The following CHRM5 variants were observed in gnomAD, a reference collection of about 807,000 sequenced individuals.
CHRM5 encodes the protein cholinergic receptor muscarinic 5, also known as muscarinic acetylcholine receptor M5.
Under a neutral mutation model 39.0 loss-of-function variants are expected in CHRM5, and 18 were observed. The observed-to-expected ratio is 0.46, with a 90% CI of 0.32 to 0.68. The LOEUF (loss-of-function observed/expected upper bound fraction) is 0.68. Among genes scored for constraint, CHRM5 ranks in the 30% least tolerant of loss-of-function variants. CHRM5 has a pLI of 0.04. For synonymous variants in CHRM5, 241 were observed against 246.3 expected, an observed-to-expected ratio of 0.98 and a Z score of 0.20; for missense variants, 515 against 651.1, an observed-to-expected ratio of 0.79 and a Z score of 2.28.
chr15:34,002,710 C>T (rs968433142), intron 1 of CHRM5, among the ~76,000 whole-genome samples: 2 of 152,140 alleles, frequency 1.3e-5, no homozygotes, highest in Non-Finnish European at 2.9e-5. Flanking sequence ...AGGAATGTTT[C>T]CTCCAATATC....
chr15:34,043,972 C>T (rs993128599), intron 1 of CHRM5, among the ~76,000 whole-genome samples: 3 of 152,052 alleles, frequency 2.0e-5, no homozygotes, highest in Non-Finnish European at 4.4e-5. Flanking sequence ...TATCTGTGAT[C>T]ACCTACTTGG....
chr15:33,980,565 A>G (rs578107880), intron 1 of CHRM5, among the ~76,000 whole-genome samples: 1 of 152,320 alleles, frequency 6.6e-6, no homozygotes, highest in Non-Finnish European at 1.5e-5. Flanking sequence ...CTGGGAGATC[A>G]GGCAAAAGGC....
chr15:34,046,987 A>G (rs1450715474), intron 2 of CHRM5, 116 bp downstream of exon 2: 1 of 152,124 alleles, frequency 6.6e-6, no homozygotes, highest in Admixed American at 6.5e-5. Context: ...GGTCCAACAC[A>G]CAGAGCTGTG....
chr15:34,004,956 G>A (rs1183445172), intron 1 of CHRM5, among the ~76,000 whole-genome samples: 1 of 150,168 alleles, frequency 6.7e-6, no homozygotes, highest in Non-Finnish European at 1.5e-5. Context: ...TGTATAGGAT[G>A]GGTTAGTGTG....
intron 2 of CHRM5, 134 bp from the exon 3 acceptor site, chr15:34,062,509 C>G (rs1378961491): frequency 2.0e-6 from 1 of 505,250 alleles, no homozygotes; most frequent in Admixed American, 4.0e-5. Context: ...GAGCTGAGAT[C>G]GCACCACTGC....
Position 34,063,002 on chromosome 15 carries a change from C to G in CHRM5, c.285C>G (p.Arg95=). The change falls in exon 3 of 3, where the codon CGC becomes CGG. Residue 95 remains arginine (R), a synonymous_variant. Coordinates refer to ENST00000383263, the MANE Select transcript of CHRM5 (RefSeq NM_012125.4). The surrounding 1 kb of genome is among the most constrained non-coding windows in gnomAD (Gnocchi z 4.1). ...NLYTTYILMG[R]WALGSLACDL... ...ACACCACCTACATCCTCATGGGACG[C>G]TGGGCTCTCGGGAGTCTGGCTTGTG... The G allele has an allele frequency of 6.2e-7, 1 of 1,614,222 alleles. No homozygotes were observed. The highest frequency in any genetic ancestry group is 1.1e-5 in the South Asian group (1 of 91,080).
Position 34,066,837 on chromosome 15 carries a change from A to G in CHRM5, c.*2521A>G, listed in dbSNP as rs1597397791. On this transcript the variant is annotated 3_prime_UTR_variant, in exon 3 of 3. Transcript: ENST00000383263. ...CTCAAAAAAAAAAAGAGAGAGAGAGAGGTCAATGCTTCTTTTTTTATCATT... is the reference window on the plus strand; with the variant it reads ...CTCAAAAAAAAAAAGAGAGAGAGAGGGGTCAATGCTTCTTTTTTTATCATT... 1 of 151,338 alleles carries G rather than the reference A, an allele frequency of 6.6e-6. No homozygotes were observed. The highest frequency in any genetic ancestry group is 2.4e-5 in the African/African-American group (1 of 41,306). 9.4% of individuals were successfully genotyped at this position (151,338 alleles called of 1,614,324 possible). A position where few individuals can be genotyped will look rare whatever the true frequency, so the allele number is the denominator to read the frequency against.
chr15:33,974,114 T>C (rs542167629), intron 1 of CHRM5, among the ~76,000 whole-genome samples: 17 of 152,314 alleles, frequency 1.1e-4, no homozygotes, highest in African/African-American at 4.1e-4. Flanking sequence ...CTATTTGACA[T>C]ATGGAAATCA....
chr15:34,059,891 T>A (rs146709979), intron 2 of CHRM5, among the ~76,000 whole-genome samples: 16 of 152,308 alleles, frequency 1.1e-4, no homozygotes, highest in African/African-American at 3.6e-4. Flanking sequence ...CCAACTAGTG[T>A]CTAAAGAGCA....
intron 1 of CHRM5, among the ~76,000 whole-genome samples, chr15:34,016,389 G>T (rs1486792912): frequency 6.6e-6 from 1 of 152,082 alleles, no homozygotes; most frequent in Non-Finnish European, 1.5e-5. Flanking sequence ...CACTGAGTTG[G>T]GCTCGCATGG....
chr15:34,043,104 AG>A (rs1397552017), intron 1 of CHRM5, among the ~76,000 whole-genome samples: 1 of 152,000 alleles, frequency 6.6e-6, no homozygotes, highest in African/African-American at 2.4e-5. Flanking sequence ...AAAATTAGCC[AG>A]GCATGGTGAC....
At chr15:34,059,246 A>G (rs1382227023) in intron 2 of CHRM5, among the ~76,000 whole-genome samples, 2 of 152,222 alleles carry the variant, frequency 1.3e-5, no homozygotes, top group Non-Finnish European at 2.9e-5. Flanking sequence ...TACCCAGGCT[A>G]TACATGTGTC....
chr15:33,981,184 A>T (rs906363536), intron 1 of CHRM5, among the ~76,000 whole-genome samples: 1 of 152,236 alleles, frequency 6.6e-6, no homozygotes, highest in African/African-American at 2.4e-5. Flanking sequence ...GAAAAATATT[A>T]ACAGCGATGC....
intron 2 of CHRM5, among the ~76,000 whole-genome samples, chr15:34,061,897 T>G (rs974305467): frequency 6.6e-6 from 1 of 152,224 alleles, no homozygotes; most frequent in African/African-American, 2.4e-5. Context: ...AGACTGGGAC[T>G]ATAGAATAGA....
intron 1 of CHRM5, among the ~76,000 whole-genome samples, chr15:34,033,054 C>A (rs1898936675): frequency 6.6e-6 from 1 of 152,072 alleles, no homozygotes; most frequent in Admixed American, 6.5e-5. Flanking sequence ...TTTATGTGAA[C>A]AATGTTTCTC....
chr15:34,025,712 GAA>G (rs200928981), intron 1 of CHRM5, among the ~76,000 whole-genome samples: 5 of 151,826 alleles, frequency 3.3e-5, no homozygotes, highest in East Asian at 3.9e-4. Context: ...AGGTTCAGAA[GAA>G]AAAAAAATTG....
intron 1 of CHRM5, among the ~76,000 whole-genome samples, chr15:34,039,827 G>A (rs1899390104): frequency 6.6e-6 from 1 of 152,112 alleles, no homozygotes; most frequent in African/African-American, 2.4e-5. Flanking sequence ...TAACAGCCTT[G>A]GAAAGGTTAA....
chr15:33,979,418 A>G (rs1896036662), intron 1 of CHRM5, among the ~76,000 whole-genome samples: 1 of 152,144 alleles, frequency 6.6e-6, no homozygotes, highest in Non-Finnish European at 1.5e-5. Context: ...CTGAGGTGGA[A>G]GGATCACATG....
chr15:34,053,319 A>AAAAAATATAT (rs775436850), intron 2 of CHRM5, among the ~76,000 whole-genome samples: 3 of 42,100 alleles, frequency 7.1e-5, no homozygotes, highest in African/African-American at 2.4e-4. Flanking sequence ...AAAAAAAAAA[A>AAAAAATATAT]ATATATATAT....
Sources: gnomAD v4.1 joint callset for allele counts (sites outside exome capture counted in the v4.1 genomes callset) on GRCh38, gnomAD v4.1.1 for gene constraint, Gnocchi (gnomAD v3.1) non-coding constraint, MANE v1.5 for transcripts, NCBI Gene and HGNC (gene_info 2026-07-23, HGNC 2026-07-21) for gene names.